The following NELL1 variants were observed in gnomAD, a reference collection of about 807,000 sequenced individuals.
The protein encoded by NELL1 is neural EGFL like 1.
A neutral mutation model predicts 107.4 loss-of-function variants in NELL1; 76 were observed. The observed-to-expected ratio is 0.71, with a 90% CI of 0.59 to 0.86. NELL1 has a LOEUF of 0.86. NELL1 is among the 40% of genes least tolerant of loss of function. The pLI, the probability that NELL1 is intolerant of heterozygous loss-of-function variation, is 0.00. For synonymous variants in NELL1, 353 were observed against 341.2 expected (o/e 1.03, Z -0.38); for missense variants, 1,024 against 1,005.5 (o/e 1.02, Z -0.25).
intron 13 of NELL1, among the ~76,000 whole-genome samples, chr11:21,215,347 T>C (rs747053098): frequency 6.6e-6 from 1 of 152,206 alleles, no homozygotes; most frequent in Non-Finnish European, 1.5e-5. Flanking sequence ...TTCTTTCCTT[T>C]ATAAATTACC....
At chr11:20,735,655 AGTTTCAAT>A (rs1855745047) in intron 2 of NELL1, among the ~76,000 whole-genome samples, 1 of 152,138 alleles carries the variant, frequency 6.6e-6, no homozygotes, top group Admixed American at 6.5e-5. Flanking sequence ...TGACTGGAAC[AGTTTCAAT>A]GGAGTGGCCA....
At chr11:20,992,330 A>T (rs894544108) in intron 12 of NELL1, among the ~76,000 whole-genome samples, 8 of 152,206 alleles carry the variant, frequency 5.3e-5, no homozygotes, top group African/African-American at 1.9e-4. Flanking sequence ...AGGATGCTGG[A>T]TGCTAGGATT....
Position 21,003,586 on chromosome 11 carries a change from C to T in NELL1, c.1300+43026C>T, listed in dbSNP as rs563024845. ...GGCCTGTAAATGAAAGAGCTGGGAC[C>T]CTGTCTCCTTCTCTATACTCTGTTT... On this transcript the variant is annotated intron_variant, in intron 12 of 19. Transcript: ENST00000357134. 2.7e-4 allele frequency among the ~76,000 whole-genome samples: 41 copies of T among 152,040 alleles called. 2 individuals carry two copies. The South Asian group carries it at 8.5e-3, about 32-fold the overall frequency.
chr11:20,938,852 T>C (rs1016958881), intron 10 of NELL1, among the ~76,000 whole-genome samples: 1 of 151,880 alleles, frequency 6.6e-6, no homozygotes, highest in African/African-American at 2.4e-5. Flanking sequence ...ATGGACCTAG[T>C]TTGGACTTGA....
intron 14 of NELL1, among the ~76,000 whole-genome samples, chr11:21,307,193 C>T (rs986281844): frequency 6.6e-6 from 1 of 151,948 alleles, no homozygotes; most frequent in Non-Finnish European, 1.5e-5. Flanking sequence ...TGGCTGTCAA[C>T]ATCGACAGCT....
intron 16 of NELL1, among the ~76,000 whole-genome samples, chr11:21,547,955 T>G (rs1856484250): frequency 6.6e-6 from 1 of 151,806 alleles, no homozygotes; most frequent in African/African-American, 2.4e-5. Flanking sequence ...AAGAGTTGGA[T>G]TCAAATACAA....
intron 11 of NELL1, among the ~76,000 whole-genome samples, chr11:20,950,704 G>A (rs1851053029): frequency 6.6e-6 from 1 of 152,192 alleles, no homozygotes. Context: ...ATATGGAAAG[G>A]CAGCAGCATC....
chr11:20,983,189 C>A (rs1334034064), intron 12 of NELL1, among the ~76,000 whole-genome samples: 3 of 152,142 alleles, frequency 2.0e-5, no homozygotes, highest in African/African-American at 7.2e-5. Context: ...ACTTAATTCA[C>A]ACTCCATTTG....
intron 9 of NELL1, among the ~76,000 whole-genome samples, chr11:20,929,217 A>G (rs1162451429): frequency 6.6e-6 from 1 of 152,158 alleles, no homozygotes; most frequent in Non-Finnish European, 1.5e-5. Flanking sequence ...AGAAAAGGAG[A>G]GTTCTGGTCA....
intron 14 of NELL1, among the ~76,000 whole-genome samples, chr11:21,266,478 A>G (rs1043008685): frequency 2.6e-5 from 4 of 152,094 alleles, no homozygotes; most frequent in African/African-American, 9.7e-5. Context: ...CATGAAGCTT[A>G]TCAATGACTC....
intron 12 of NELL1, among the ~76,000 whole-genome samples, chr11:21,001,830 G>C (rs774271190): frequency 6.6e-6 from 1 of 151,020 alleles, no homozygotes; most frequent in Non-Finnish European, 1.5e-5. Context: ...CACATTTCCT[G>C]GAGCTAGGGG....
chr11:20,739,607 A>G (rs10833385), intron 2 of NELL1, among the ~76,000 whole-genome samples: 88,479 of 151,928 alleles, frequency 0.58, 27,060 homozygotes, highest in Middle Eastern at 0.74. Flanking sequence ...AATCCTCAGA[A>G]AGTGAAAGGG....
At chr11:20,840,957 T>A (rs1365730795) in intron 3 of NELL1, among the ~76,000 whole-genome samples, 1 of 152,248 alleles carries the variant, frequency 6.6e-6, no homozygotes, top group Non-Finnish European at 1.5e-5. Context: ...TTTTTACTTA[T>A]AGACTAGCAA....
chr11:21,141,489 G>T (rs1294893946), intron 13 of NELL1, among the ~76,000 whole-genome samples: 1 of 152,128 alleles, frequency 6.6e-6, no homozygotes, highest in Non-Finnish European at 1.5e-5. Flanking sequence ...ATAAAAACCA[G>T]TTCCTCCCTA....
intron 12 of NELL1, among the ~76,000 whole-genome samples, chr11:21,107,027 C>T (rs767081739): frequency 1.2e-4 from 18 of 152,074 alleles, no homozygotes; most frequent in Non-Finnish European, 1.8e-4. Context: ...AGCAGTTCTA[C>T]GCTCATAGCA....
intron 12 of NELL1, among the ~76,000 whole-genome samples, chr11:21,073,717 A>G (rs117278396): frequency 0.012 from 1,903 of 152,280 alleles, 17 homozygotes; most frequent in Middle Eastern, 0.034. Flanking sequence ...ATGAGATTTG[A>G]AGGAAGTAAA....
intron 5 of NELL1, among the ~76,000 whole-genome samples, chr11:20,914,296 A>G (rs57650862): frequency 0.026 from 3,999 of 152,230 alleles, 180 homozygotes; most frequent in African/African-American, 0.091. Flanking sequence ...TTAGGGAGAC[A>G]TAATACCTCC....
intron 14 of NELL1, among the ~76,000 whole-genome samples, chr11:21,242,407 C>A (rs74958655): frequency 2.2e-3 from 329 of 152,156 alleles, no homozygotes; most frequent in African/African-American, 7.6e-3. Context: ...TCACTTTTGT[C>A]TTGCATTGAA....
chr11:20,818,009 ATGTGGTTGATCTT>A (rs1857660881), intron 3 of NELL1, among the ~76,000 whole-genome samples: 2 of 152,112 alleles, frequency 1.3e-5, no homozygotes, highest in Non-Finnish European at 2.9e-5. Flanking sequence ...ATGGAAAAGC[ATGTGGTTGATCTT>A]AGAGAATGTC....
Sources: gnomAD v4.1 joint callset for allele counts (sites outside exome capture counted in the v4.1 genomes callset) on GRCh38, gnomAD v4.1.1 for gene constraint, MANE v1.5 for transcripts, NCBI Gene and HGNC (gene_info 2026-07-23, HGNC 2026-07-21) for gene names.